Variants in CACNA2D1 observed in about 807,000 individuals in gnomAD.
The protein encoded by CACNA2D1 is calcium voltage-gated channel auxiliary subunit alpha2delta 1, also known as voltage-dependent calcium channel subunit alpha-2/delta-1.
Under a neutral mutation model 171.5 loss-of-function variants are expected in CACNA2D1, and 53 were observed. The observed-to-expected ratio is 0.31, with a 90% CI of 0.25 to 0.39. The LOEUF (loss-of-function observed/expected upper bound fraction) is 0.39, where lower values mean the gene tolerates loss of function less well. Among genes scored for constraint, CACNA2D1 ranks in the 10% least tolerant of loss-of-function variants. The pLI is 1.00. For missense variants in CACNA2D1, 903 were observed against 1,299.8 expected (o/e 0.69, Z 4.69); for synonymous variants, 442 against 443.1 (o/e 1.00, Z 0.03).
At chr7:82,173,661 A>T (rs2129154447) in intron 3 of CACNA2D1, among the ~76,000 whole-genome samples, 1 of 149,680 alleles carries the variant, frequency 6.7e-6, no homozygotes, top group Non-Finnish European at 1.5e-5. Flanking sequence ...TAGACACTTT[A>T]AGCCTTTAAT....
intron 7 of CACNA2D1, among the ~76,000 whole-genome samples, chr7:82,075,469 G>A (rs1245468661): frequency 6.6e-6 from 1 of 152,196 alleles, no homozygotes; most frequent in African/African-American, 2.4e-5. Context: ...TAAGTTCTAT[G>A]AGGCAAGTGT....
At chr7:82,067,347 G>C (rs1209386566) in intron 7 of CACNA2D1, among the ~76,000 whole-genome samples, 8 of 152,044 alleles carry the variant, frequency 5.3e-5, no homozygotes, top group African/African-American at 1.9e-4. Context: ...TATGACTCCT[G>C]GGCAAATGCC....
At chr7:82,234,561 T>C (rs1013911622) in intron 3 of CACNA2D1, among the ~76,000 whole-genome samples, 2 of 150,644 alleles carry the variant, frequency 1.3e-5, no homozygotes, top group Non-Finnish European at 3.0e-5. Flanking sequence ...AGCCACAGCC[T>C]TAGAATTTTC....
intron 6 of CACNA2D1, among the ~76,000 whole-genome samples, chr7:82,100,770 T>C (rs1415294124): frequency 2.0e-5 from 3 of 152,056 alleles, no homozygotes; most frequent in Non-Finnish European, 2.9e-5. Flanking sequence ...ATTTTGAGAA[T>C]GTTACCCACA....
intron 3 of CACNA2D1, 113 bp from the exon 4 acceptor site, chr7:82,170,722 T>A (rs1795933547): frequency 4.4e-6 from 4 of 907,156 alleles, no homozygotes; most frequent in African/African-American, 1.6e-5. Flanking sequence ...CAGAAGATGA[T>A]CCTTATTTAT....
At chr7:82,145,300 A>C (rs1051154537) in intron 4 of CACNA2D1, among the ~76,000 whole-genome samples, 1 of 145,318 alleles carries the variant, frequency 6.9e-6, no homozygotes, top group Non-Finnish European at 1.5e-5. Flanking sequence ...AAAATATATA[A>C]ATTATGTAAA....
At chr7:82,281,716 T>C (rs1016600204) in intron 3 of CACNA2D1, among the ~76,000 whole-genome samples, 1 of 152,170 alleles carries the variant, frequency 6.6e-6, no homozygotes, top group South Asian at 2.1e-4. Flanking sequence ...TTTGTATCAA[T>C]GTTAAATGTA....
At chr7:82,176,363 T>C (rs573957205) in intron 3 of CACNA2D1, among the ~76,000 whole-genome samples, 5 of 152,138 alleles carry the variant, frequency 3.3e-5, no homozygotes, top group African/African-American at 4.8e-5. Flanking sequence ...TAAACATGTA[T>C]GTTCAGCAGA....
chr7:82,006,653 T>C (rs998233433), intron 16 of CACNA2D1, among the ~76,000 whole-genome samples: 4 of 152,116 alleles, frequency 2.6e-5, no homozygotes, highest in Non-Finnish European at 4.4e-5. Flanking sequence ...GAACCAATCC[T>C]AGTCTGAGCA....
chr7:82,413,260 T>C (rs1200334941), intron 1 of CACNA2D1, among the ~76,000 whole-genome samples: 1 of 152,234 alleles, frequency 6.6e-6, no homozygotes, highest in Non-Finnish European at 1.5e-5. Flanking sequence ...AATTTATTAA[T>C]TTTTCATCTC....
At chr7:82,237,876 ATCTAAAGATGTCAATTAAAAACTAAAT>A (rs780558010) in intron 3 of CACNA2D1, among the ~76,000 whole-genome samples, 67 of 152,044 alleles carry the variant, frequency 4.4e-4, no homozygotes, top group Non-Finnish European at 6.8e-4. Flanking sequence ...CTTACCTAAA[ATCTAAAGATGTCAATTAAAAACTAAAT>A]ATAAAGAATA....
At chr7:82,332,556 A>AAGAAAGAG (rs1817483213) in intron 3 of CACNA2D1, among the ~76,000 whole-genome samples, 3 of 145,060 alleles carry the variant, frequency 2.1e-5, no homozygotes, top group Admixed American at 6.9e-5. Context: ...GAAAGAAAGA[A>AAGAAAGAG]AGAAAGAAAG....
At chr7:82,017,130 T>A (rs1474638842) in intron 12 of CACNA2D1, among the ~76,000 whole-genome samples, 1 of 152,054 alleles carries the variant, frequency 6.6e-6, no homozygotes, top group Non-Finnish European at 1.5e-5. Context: ...CAAACACATA[T>A]GCACATAGGT....
At chr7:82,257,655 C>T (rs975565149) in intron 3 of CACNA2D1, among the ~76,000 whole-genome samples, 3 of 152,162 alleles carry the variant, frequency 2.0e-5, no homozygotes, top group African/African-American at 7.2e-5. Context: ...CATCTCTCCT[C>T]CTTTTGTGGT....
intron 1 of CACNA2D1, among the ~76,000 whole-genome samples, chr7:82,384,706 G>C (rs1354165824): frequency 1.3e-5 from 2 of 152,162 alleles, no homozygotes; most frequent in Non-Finnish European, 2.9e-5. Flanking sequence ...TAAACATTTT[G>C]TTAAATGCTA....
rs1792371453 is a variant in CACNA2D1 at position 81,950,336 on chromosome 7, G to T, written c.*56C>A. On this transcript the variant is annotated 3_prime_UTR_variant, in exon 39 of 39. Transcript: ENST00000356860. ...CCTACGTTACTGTAATTGAGGGCAGGGCTCATGTTTTGGCAGGGTCTGGAG... is the reference window on the plus strand; with the variant it reads ...CCTACGTTACTGTAATTGAGGGCAGTGCTCATGTTTTGGCAGGGTCTGGAG... 1.9e-6 allele frequency: 3 copies of T among 1,612,478 alleles called. No individual in the cohort carries two copies. The highest frequency in any genetic ancestry group is 1.7e-4 in the Middle Eastern group (1 of 6,044).
intron 1 of CACNA2D1, among the ~76,000 whole-genome samples, chr7:82,375,817 A>G (rs1169238635): frequency 6.6e-6 from 1 of 152,156 alleles, no homozygotes; most frequent in Non-Finnish European, 1.5e-5. Flanking sequence ...CCACAGCCCC[A>G]AACAGCATGT....
At chr7:82,379,093 C>A (rs1367417086) in intron 1 of CACNA2D1, among the ~76,000 whole-genome samples, 4 of 151,880 alleles carry the variant, frequency 2.6e-5, no homozygotes, top group African/African-American at 9.7e-5. Context: ...GTTTTTTAAA[C>A]AGGGGTGAGA....
At position 82,000,484 on chromosome 7, in the gene CACNA2D1, C is replaced by G. The variant is rs7798911; in HGVS notation, c.1591-3234G>C. On this transcript the variant is annotated intron_variant, in intron 18 of 38. Coordinates refer to ENST00000356860, the MANE Select transcript of CACNA2D1 (RefSeq NM_000722.4). Reference sequence around the variant, plus strand: ...ACACTACAGGATTTAGTGGAGTGCTCAAGAACACAGTGTTGGCTTTCAGAA... The same window carrying G: ...ACACTACAGGATTTAGTGGAGTGCTGAAGAACACAGTGTTGGCTTTCAGAA... Among the ~76,000 whole-genome samples, 1,025 of 152,256 alleles carry G rather than the reference C, an allele frequency of 6.7e-3. 16 individuals carry two copies. Among genetic ancestry groups the G allele is most frequent in the African/African-American group, 0.023 (962 of 41,568 alleles).
Sources: allele counts gnomAD v4.1 joint callset (sites outside exome capture counted in the v4.1 genomes callset), GRCh38; gene constraint gnomAD v4.1.1; transcripts MANE v1.5; gene names NCBI Gene and HGNC (gene_info 2026-07-23, HGNC 2026-07-21).